Variants in CFAP47 observed in about 807,000 individuals in gnomAD.
CFAP47 encodes the protein cilia and flagella associated protein 47.
CFAP47 carries 29 observed loss-of-function variants against 148.1 expected under a neutral mutation model. That is an observed-to-expected ratio of 0.20 (90% confidence interval 0.15 to 0.27). The LOEUF (loss-of-function observed/expected upper bound fraction) is 0.27, where lower values mean the gene tolerates loss of function less well. CFAP47 is among the 10% of genes least tolerant of loss of function. CFAP47 has a pLI of 1.00. For missense variants in CFAP47, 1,872 were observed against 1,697.5 expected (o/e 1.10, Z -1.81); for synonymous variants, 664 against 577.3 (o/e 1.15, Z -2.15).
intron 30 of CFAP47, among the ~76,000 whole-genome samples, chrX:36,086,207 T>G (rs915350174): frequency 1.8e-5 from 2 of 112,098 alleles, no homozygotes; most frequent in Non-Finnish European, 1.9e-5. Flanking sequence ...CGCCAAGAAA[T>G]GGAAAAACAA....
At chrX:35,935,999 T>G (rs1416404581) in intron 2 of CFAP47, among the ~76,000 whole-genome samples, 1 of 112,039 alleles carries the variant, frequency 8.9e-6, no homozygotes, top group African/African-American at 3.2e-5. Flanking sequence ...TTCTTTGAGT[T>G]TATCAGGTTT....
At chrX:36,208,835 G>A (rs781892598) in intron 45 of CFAP47, among the ~76,000 whole-genome samples, 124 of 109,990 alleles carry the variant, frequency 1.1e-3, no homozygotes, top group African/African-American at 3.9e-3. Context: ...GCATGGTGGC[G>A]GGTGCCTGTA....
chrX:36,250,141 A>G (rs901004268), intron 48 of CFAP47, among the ~76,000 whole-genome samples: 5 of 111,682 alleles, frequency 4.5e-5, no homozygotes, highest in African/African-American at 9.7e-5. Context: ...CATTATTCAC[A>G]ATAGCCAAGA....
chrX:36,068,942 G>A (rs553701942), intron 27 of CFAP47, among the ~76,000 whole-genome samples: 54 of 103,869 alleles, frequency 5.2e-4, no homozygotes, highest in African/African-American at 1.5e-3. Flanking sequence ...GCGACAGAGC[G>A]AGACTCCTCA....
chrX:36,097,650 C>A (rs1452079844), intron 30 of CFAP47, among the ~76,000 whole-genome samples: 1 of 110,445 alleles, frequency 9.1e-6, no homozygotes, highest in Non-Finnish European at 1.9e-5. Context: ...TTATTTATTT[C>A]TTTTCTCTTG....
At position 36,367,139 on chromosome X, in the gene CFAP47, A is replaced by C. The variant is rs1556020476; in HGVS notation, c.9185+12A>C. The C allele has an allele frequency of 1.8e-6, 2 of 1,096,599 alleles. No individual in the cohort carries two copies. The highest frequency in any genetic ancestry group is 2.4e-6 in the Non-Finnish European group (2 of 822,791). The allele number at this position is 1,096,599 out of a possible 1,213,427, so 90.4% of individuals were successfully genotyped here. A position where few individuals can be genotyped will look rare whatever the true frequency, so the allele number is the denominator to read the frequency against. On this transcript the variant is annotated intron_variant, in intron 62 of 63. Transcript: ENST00000378653. ...AAAAGTCAGACAAGGTAATATATTAAACAAAAGTATGTAGCTGTTTTAGTG... is the reference window on the plus strand; with the variant it reads ...AAAAGTCAGACAAGGTAATATATTACACAAAAGTATGTAGCTGTTTTAGTG...
At chrX:36,018,399 G>A (rs970091862) in intron 22 of CFAP47, among the ~76,000 whole-genome samples, 4 of 111,894 alleles carry the variant, frequency 3.6e-5, no homozygotes, top group Non-Finnish European at 5.6e-5. Flanking sequence ...ACTATGTTGA[G>A]TAACAGTGGA....
At chrX:35,971,377 A>G (rs1434941083) in intron 11 of CFAP47, among the ~76,000 whole-genome samples, 2 of 111,895 alleles carry the variant, frequency 1.8e-5, no homozygotes, top group Non-Finnish European at 3.8e-5. Context: ...TGGGTGTGGC[A>G]GGCATGAGCA....
At chrX:36,205,157 T>A (rs1940026096) in intron 45 of CFAP47, 47 bp downstream of exon 45, 12 of 293,163 alleles carry the variant, frequency 4.1e-5, no homozygotes. Flanking sequence ...CCGGGAATGA[T>A]GATGTATTCA....
intron 56 of CFAP47, 32 bp from the exon 57 acceptor site, chrX:36,319,177 T>C (rs1556011603): frequency 1.3e-6 from 1 of 770,483 alleles, no homozygotes; most frequent in Non-Finnish European, 1.9e-6. Flanking sequence ...AATGTGACAT[T>C]GAAGTGTAAT....
intron 45 of CFAP47, among the ~76,000 whole-genome samples, chrX:36,214,750 C>G (rs1161609412): frequency 9.0e-6 from 1 of 110,866 alleles, no homozygotes; most frequent in Non-Finnish European, 1.9e-5. Context: ...CACATCTTGT[C>G]CCACACTGGA....
intron 25 of CFAP47, among the ~76,000 whole-genome samples, chrX:36,040,358 T>C (rs1937388613): frequency 8.9e-6 from 1 of 111,959 alleles, no homozygotes; most frequent in Admixed American, 9.5e-5. Flanking sequence ...ATATGACTAG[T>C]CCTTCATAAC....
At chrX:36,069,337 T>G (rs73629586) in intron 27 of CFAP47, among the ~76,000 whole-genome samples, 7,098 of 111,176 alleles carry the variant, frequency 0.064, 614 homozygotes, top group African/African-American at 0.22. Context: ...TGGTTGTGAT[T>G]GCTTTATCAT....
chrX:36,073,425 T>C (rs1937792868), intron 29 of CFAP47, 61 bp downstream of exon 29: 1 of 718,723 alleles, frequency 1.4e-6, no homozygotes, highest in Non-Finnish European at 2.1e-6. Flanking sequence ...ATATAATCTA[T>C]TGATTGAGAT....
chrX:35,945,478 C>T (rs944335012), intron 3 of CFAP47, among the ~76,000 whole-genome samples: 14 of 111,272 alleles, frequency 1.3e-4, no homozygotes, highest in African/African-American at 4.2e-4. Context: ...GGGTATCCTT[C>T]AGTTTTCTCA....
Position 36,112,207 on chromosome X carries a change from C to T in CFAP47, c.5320+7516C>T, listed in dbSNP as rs141495697. 3.3e-3 allele frequency among the ~76,000 whole-genome samples: 366 copies of T among 111,225 alleles called. 1 individual carries two copies. The highest frequency in any genetic ancestry group is 0.01 in the African/African-American group (318 of 30,642). ...TAATTGTCATGTTAGGTGGTTAAAT[C>T]GACATGTTTCTAACTTTTCATGTGG... On this transcript the variant is annotated intron_variant, in intron 33 of 63. Coordinates refer to ENST00000378653, the MANE Select transcript of CFAP47 (RefSeq NM_001304548.2).
chrX:35,973,323 G>C (rs1039941705), intron 13 of CFAP47, among the ~76,000 whole-genome samples: 1 of 110,421 alleles, frequency 9.1e-6, no homozygotes, highest in Non-Finnish European at 1.9e-5. Flanking sequence ...CCGAGTAGCT[G>C]GGACTACAGG....
chrX:36,224,625 T>C (rs17273161), intron 45 of CFAP47, among the ~76,000 whole-genome samples: 11,649 of 111,229 alleles, frequency 0.1, 593 homozygotes, highest in East Asian at 0.26. Flanking sequence ...CTGTACTCTA[T>C]GAAAAATGAT....
intron 48 of CFAP47, among the ~76,000 whole-genome samples, chrX:36,239,425 A>G (rs1940513617): frequency 8.9e-6 from 1 of 112,274 alleles, no homozygotes; most frequent in East Asian, 2.8e-4. Flanking sequence ...TTAGCTCTGC[A>G]GTCTTGCAAC....
Sources: allele counts gnomAD v4.1 joint callset (sites outside exome capture counted in the v4.1 genomes callset), GRCh38; gene constraint gnomAD v4.1.1; transcripts MANE v1.5; gene names NCBI Gene and HGNC (gene_info 2026-07-23, HGNC 2026-07-21).